The following SMYD5 variants were observed in gnomAD, a reference collection of about 807,000 sequenced individuals.
SMYD5 encodes protein-lysine N-trimethyltransferase SMYD5.
Under a neutral mutation model 57.4 loss-of-function variants are expected in SMYD5, and 35 were observed. The observed-to-expected ratio is 0.61, with a 90% CI of 0.47 to 0.81. SMYD5 has a LOEUF of 0.81. Ranked by LOEUF, SMYD5 falls within the 30% of genes least tolerant of loss-of-function variation. SMYD5 has a pLI of 0.00. For synonymous variants in SMYD5, 198 were observed against 189.7 expected (o/e 1.04, Z -0.36); for missense variants, 471 against 527.9 (o/e 0.89, Z 1.06).
At chr2:73,224,150 G>C (rs572286511) in intron 10 of SMYD5, 147 bp downstream of exon 10, 1 of 711,434 alleles carries the variant, frequency 1.4e-6, no homozygotes, top group South Asian at 1.6e-5. Context: ...GCTCCCACAG[G>C]AATTCCCCTG....
intron 2 of SMYD5, 117 bp downstream of exon 2, chr2:73,219,086 C>T (rs1368288065): frequency 6.8e-6 from 5 of 737,242 alleles, no homozygotes; most frequent in Admixed American, 6.2e-5. Flanking sequence ...GAAATGCTGT[C>T]TTCCATTGAA....
chr2:73,226,111 C>T lies in SMYD5; in HGVS notation c.*165C>T. The T allele has an allele frequency of 1.1e-6, 1 of 916,684 alleles. No individual in the cohort carries two copies. The highest frequency in any genetic ancestry group is 1.8e-5 in the South Asian group (1 of 56,372). The allele number at this position is 916,684 out of a possible 1,614,324, so 56.8% of individuals were successfully genotyped here. A position where few individuals can be genotyped will look rare whatever the true frequency, so the allele number is the denominator to read the frequency against. On this transcript the variant is annotated 3_prime_UTR_variant, in exon 13 of 13. Coordinates refer to ENST00000389501, the MANE Select transcript of SMYD5 (RefSeq NM_006062.3). ...GAGAGCCTGGATCTCTGGCCCCAAC[C>T]CCCACCAGACCTCATGCCCTGGACA...
intron 2 of SMYD5, 130 bp from the exon 3 acceptor site, chr2:73,219,921 A>G (rs559204950): frequency 2.8e-6 from 3 of 1,062,354 alleles, no homozygotes; most frequent in East Asian, 4.7e-5. Context: ...TTATTCATTT[A>G]CTCACTTTCC....
Position 73,214,313 on chromosome 2 carries a change from C to T in SMYD5, c.47C>T (p.Ala16Val), listed in dbSNP as rs1026360850. ...GTGTTCTCCTTCTGCGTGGGCGTGG[C>T]GGGCCGCGCGCGGGTCTCCGTGGAA... The part of the protein sequence containing the change: ...CDVFSFCVGV[A>V]GRARVSVEVR... The change falls in exon 1 of 13, where the codon GCG becomes GTG. Residue 16 changes from alanine (A) to valine (V), a missense_variant. Ala to Val is a moderately conservative substitution (Grantham distance 64). Coordinates refer to ENST00000389501, the MANE Select transcript of SMYD5 (RefSeq NM_006062.3). The T allele has an allele frequency of 6.2e-7, 1 of 1,613,416 alleles. No individual in the cohort carries two copies. The highest frequency in any genetic ancestry group is 8.5e-7 in the Non-Finnish European group (1 of 1,179,838).
rs780324836 is a variant in SMYD5 at position 73,225,768 on chromosome 2, T to C, written c.1107-28T>C. The C allele has an allele frequency of 1.9e-6, 3 of 1,613,982 alleles. No individual in the cohort carries two copies. In the Admixed American group the frequency reaches 5.0e-5, roughly 27 times the overall value. On this transcript the variant is annotated intron_variant, in intron 12 of 12. Coordinates refer to ENST00000389501, the MANE Select transcript of SMYD5 (RefSeq NM_006062.3). ...CCTCTACCCATAGCTCCCTGACTTT[T>C]CCCCCTCACCATCCCCCACCGCTGC...
At chr2:73,217,966 G>T (rs1211884864) in intron 1 of SMYD5, among the ~76,000 whole-genome samples, 1 of 152,132 alleles carries the variant, frequency 6.6e-6, no homozygotes, top group Non-Finnish European at 1.5e-5. Flanking sequence ...TTAGACCAGT[G>T]CTTCTCAAAC....
In SMYD5 at chr2:73,223,014, C is replaced by T. The variant is rs754356011; in HGVS notation, c.706-22C>T. ...AAAGTCAGTGGCTGTAATGAGCACT[C>T]ATCTCTTTTTTCCCCCCACAGTGGT... On this transcript the variant is annotated intron_variant, in intron 7 of 12. Coordinates refer to ENST00000389501, the MANE Select transcript of SMYD5 (RefSeq NM_006062.3). 7 of 1,608,626 alleles carry T rather than the reference C, an allele frequency of 4.4e-6. No homozygotes were observed. In the Admixed American group the frequency reaches 6.7e-5, roughly 15 times the overall value.
At chr2:73,225,146 T>C in intron 11 of SMYD5, 186 bp downstream of exon 11, 2 of 562,544 alleles carry the variant, frequency 3.6e-6, no homozygotes, top group Non-Finnish European at 6.3e-6. Flanking sequence ...TTTTTCAAAA[T>C]ATGACTCCAG....
In SMYD5 at chr2:73,225,889, G is replaced by A. The variant is rs1686492881; in HGVS notation, c.1200G>A (p.Glu400=). ...VTSEEEEEEE[E]EEEGEPEDAE... is the part of the protein sequence containing the mutation. Reference sequence around the variant, plus strand: ...CAGAAGAGGAAGAGGAAGAGGAGGAGGAGGAGGAAGGAGAGCCAGAAGATG... The same window carrying A: ...CAGAAGAGGAAGAGGAAGAGGAGGAAGAGGAGGAAGGAGAGCCAGAAGATG... The change falls in exon 13 of 13, where the codon GAG becomes GAA. Residue 400 remains glutamate (E), a synonymous_variant. Transcript: ENST00000389501. 6.2e-7 allele frequency: 1 copy of A among 1,614,120 alleles called. No homozygotes were observed. The highest frequency in any genetic ancestry group is 1.3e-5 in the African/African-American group (1 of 74,938).
chr2:73,221,041 T>C, intron 4 of SMYD5, 124 bp from the exon 5 acceptor site: 1 of 961,932 alleles, frequency 1.0e-6, no homozygotes, highest in East Asian at 2.5e-5. Context: ...AGTCCTTGTC[T>C]ATGACTTTCC....
At chr2:73,214,473 C>A in intron 1 of SMYD5, 111 bp downstream of exon 1, 2 of 1,538,344 alleles carry the variant, frequency 1.3e-6, no homozygotes, top group South Asian at 2.5e-5. Flanking sequence ...TCGGACGCTA[C>A]GGCCCTGCCC....
At chr2:73,219,086 C>G in intron 2 of SMYD5, 117 bp downstream of exon 2, 1 of 737,242 alleles carries the variant, frequency 1.4e-6, no homozygotes, top group South Asian at 1.6e-5. Context: ...GAAATGCTGT[C>G]TTCCATTGAA....
At chr2:73,224,357 A>C (rs1686460041) in intron 10 of SMYD5, among the ~76,000 whole-genome samples, 1 of 152,202 alleles carries the variant, frequency 6.6e-6, no homozygotes, top group Non-Finnish European at 1.5e-5. Context: ...CCCAGGCTAC[A>C]GGGCGAGTCT....
At chr2:73,219,811 A>G in intron 2 of SMYD5, 3 of 591,820 alleles carry the variant, frequency 5.1e-6, no homozygotes, top group Non-Finnish European at 9.3e-6. Context: ...AAGGAAAGTT[A>G]GACAATAAGG....
rs570337661 is a variant in SMYD5 at position 73,226,774 on chromosome 2, G to T, written c.*828G>T. The T allele has an allele frequency of 6.5e-6, 1 of 152,906 alleles. No individual in the cohort carries two copies. The allele number at this position is 152,906 out of a possible 1,614,324, so 9.5% of individuals were successfully genotyped here. On this transcript the variant is annotated 3_prime_UTR_variant, in exon 13 of 13. Transcript: ENST00000389501. ...GGGCTTGACAGGCCTGCGCTCCTTA[G>T]ATTAGGATGCTCTGGTATTCCTGGG...
chr2:73,225,980 C>A lies in SMYD5; in HGVS notation c.*34C>A. On this transcript the variant is annotated 3_prime_UTR_variant, in exon 13 of 13. Coordinates refer to ENST00000389501, the MANE Select transcript of SMYD5 (RefSeq NM_006062.3). ...TGCCCAGAAAGGGCCCTGCCCTAGA[C>A]CCTGCCAGAAAAGGGGGCTCTTCCC... 6.3e-7 allele frequency: 1 copy of A among 1,575,746 alleles called. No homozygotes were observed. Among genetic ancestry groups the A allele is most frequent in the Non-Finnish European group, 8.6e-7 (1 of 1,161,882 alleles).
At chr2:73,214,766 A>G (rs1686262466) in intron 1 of SMYD5, 1 of 1,317,226 alleles carries the variant, frequency 7.6e-7, no homozygotes, top group African/African-American at 1.5e-5. Flanking sequence ...GGATGAGGAG[A>G]GAGGCCAAGA....
intron 6 of SMYD5, among the ~76,000 whole-genome samples, chr2:73,222,174 A>T (rs1003445309): frequency 1.1e-4 from 16 of 152,222 alleles, no homozygotes; most frequent in African/African-American, 3.6e-4. Flanking sequence ...TTGCCCTGAA[A>T]GTGCTCCCTA....
intron 8 of SMYD5, 103 bp downstream of exon 8, chr2:73,223,209 G>A: frequency 1.0e-6 from 1 of 996,320 alleles, no homozygotes; most frequent in Non-Finnish European, 1.6e-6. Context: ...GTGGGACTCT[G>A]GACAGATCAC....
Sources: gnomAD v4.1 joint callset for allele counts (sites outside exome capture counted in the v4.1 genomes callset) on GRCh38, gnomAD v4.1.1 for gene constraint, MANE v1.5 for transcripts, NCBI Gene and HGNC (gene_info 2026-07-23, HGNC 2026-07-21) for gene names.